PIR: variants seen among roughly 807,000 people sequenced by gnomAD.
PIR encodes pirin.
Under a neutral mutation model 24.2 loss-of-function variants are expected in PIR, and 22 were observed. The ratio of observed to expected loss-of-function variants is 0.91; its 90% confidence interval spans 0.65 to 1.30. The LOEUF (loss-of-function observed/expected upper bound fraction) is 1.30. Among genes scored for constraint, PIR ranks in the 50% most tolerant of loss-of-function variants. PIR has a pLI of 0.00. For synonymous variants in PIR, 80 were observed against 79.6 expected (o/e 1.00, Z -0.03); for missense variants, 220 against 220.3 (o/e 1.00, Z 0.01).
intron 5 of PIR, among the ~76,000 whole-genome samples, chrX:15,434,309 G>C (rs987794520): frequency 9.6e-6 from 1 of 103,876 alleles, no homozygotes; most frequent in African/African-American, 3.5e-5. Flanking sequence ...GATAGAAGGA[G>C]AAGGAAGGAG....
At chrX:15,446,588 T>C (rs1484489317) in intron 5 of PIR, among the ~76,000 whole-genome samples, 2 of 112,009 alleles carry the variant, frequency 1.8e-5, no homozygotes, top group African/African-American at 6.5e-5. Flanking sequence ...GATCTAGACA[T>C]TCCACCCTTC....
Position 15,385,084 on chromosome X carries a change from A to G in PIR, c.793T>C (p.Ser265Pro), listed in dbSNP as rs1923694158. The change falls in exon 10 of 10, where the codon TCT becomes CCT. Residue 265 changes from serine to proline, a missense_variant. By Grantham distance (74) the Ser-to-Pro change is moderately conservative. Transcript: ENST00000380420. ...TTTCTGAAATCAAGAATAGCTTGAG[A>G]AATCTCTTCATTGGTGTTCATCACA... is the stretch of plus-strand genomic sequence containing the variant. ...PFVMNTNEEI[S>P]QAILDFRNAK... 2.5e-6 allele frequency: 3 copies of G among 1,185,357 alleles called. No homozygotes were observed. The East Asian group carries it at 8.9e-5, about 35-fold the overall frequency.
At chrX:15,473,495 A>C (rs1301828456) in intron 3 of PIR, among the ~76,000 whole-genome samples, 2 of 112,387 alleles carry the variant, frequency 1.8e-5, no homozygotes, top group African/African-American at 6.5e-5. Flanking sequence ...TTTCTTATAG[A>C]TAATTTCTAG....
In PIR at chrX:15,486,079, C is replaced by T. The variant is rs762200963; in HGVS notation, c.96+5083G>A. On this transcript the variant is annotated intron_variant, in intron 2 of 9. Coordinates refer to ENST00000380420, the MANE Select transcript of PIR (RefSeq NM_001018109.3). Reference sequence around the variant, plus strand: ...GTCTCTTAAGGCCAATCAGGCCAGGCGTGGTGGCTCATGCCTATAATCCCA... The same window carrying T: ...GTCTCTTAAGGCCAATCAGGCCAGGTGTGGTGGCTCATGCCTATAATCCCA... 1.0e-3 allele frequency among the ~76,000 whole-genome samples: 112 copies of T among 108,810 alleles called. 1 individual carries two copies. The highest frequency in any genetic ancestry group is 3.7e-3 in the African/African-American group (109 of 29,727). 94.5% of individuals were successfully genotyped at this position (108,810 alleles called of 115,157 possible).
intron 6 of PIR, among the ~76,000 whole-genome samples, chrX:15,415,123 G>A (rs909329885): frequency 4.8e-4 from 53 of 111,367 alleles, no homozygotes; most frequent in African/African-American, 1.7e-3. Flanking sequence ...AGGACAAGAT[G>A]GCAGTTAAGA....
At chrX:15,481,498 A>T (rs1231768447) in intron 2 of PIR, among the ~76,000 whole-genome samples, 2 of 112,162 alleles carry the variant, frequency 1.8e-5, no homozygotes, top group African/African-American at 6.5e-5. Flanking sequence ...TCCTCAATAG[A>T]ACCATGGTTA....
At chrX:15,395,995 T>G (rs776354248) in intron 8 of PIR, among the ~76,000 whole-genome samples, 5 of 111,711 alleles carry the variant, frequency 4.5e-5, no homozygotes, top group Non-Finnish European at 9.4e-5. Flanking sequence ...ATCACTTCTT[T>G]CTGGTGTTCT....
At chrX:15,400,272 T>A (rs1291757103) in intron 7 of PIR, among the ~76,000 whole-genome samples, 1 of 111,824 alleles carries the variant, frequency 8.9e-6, no homozygotes, top group African/African-American at 3.3e-5. Flanking sequence ...TTGAGTAATA[T>A]TTTCAACTGT....
intron 3 of PIR, among the ~76,000 whole-genome samples, chrX:15,460,867 A>C (rs778845455): frequency 3.4e-4 from 38 of 111,708 alleles, no homozygotes; most frequent in Non-Finnish European, 6.4e-4. Context: ...AAAAAAGGAA[A>C]AAGAAAAAGT....
At chrX:15,385,568 T>A (rs1047959622) in intron 9 of PIR, among the ~76,000 whole-genome samples, 4 of 112,390 alleles carry the variant, frequency 3.6e-5, no homozygotes, top group African/African-American at 1.3e-4. Flanking sequence ...GGATTCTAAG[T>A]CATTTTTTGA....
intron 2 of PIR, among the ~76,000 whole-genome samples, chrX:15,489,394 C>A (rs1373716603): frequency 8.9e-6 from 1 of 111,848 alleles, no homozygotes; most frequent in East Asian, 2.8e-4. Context: ...TGATAGGTTT[C>A]ATCAAACTGC....
chrX:15,385,022 T>C lies in PIR; in HGVS notation c.855A>G (p.Lys285=), dbSNP rs1260055324. ...CTTTCCACTAGTTCCCAATCTTTGATTTCCAGGTTTTGGCCCTTTCAAACC... is the reference window on the plus strand; with the variant it reads ...CTTTCCACTAGTTCCCAATCTTTGACTTCCAGGTTTTGGCCCTTTCAAACC... The part of the protein sequence containing the change: ...KNGFERAKTW[K]SKIGN The change falls in exon 10 of 10, where the codon AAA becomes AAG. Residue 285 remains lysine (K), a synonymous_variant. Transcript: ENST00000380420. 2.6e-6 allele frequency: 3 copies of C among 1,158,892 alleles called. No individual in the cohort carries two copies. The highest frequency in any genetic ancestry group is 3.5e-6 in the Non-Finnish European group (3 of 849,268).
intron 2 of PIR, among the ~76,000 whole-genome samples, chrX:15,489,159 C>T (rs891336526): frequency 9.0e-6 from 1 of 111,697 alleles, no homozygotes; most frequent in East Asian, 2.8e-4. Context: ...GTAGATATAT[C>T]GAAATATTGT....
intron 8 of PIR, 53 bp downstream of exon 8, chrX:15,397,396 G>A: frequency 2.3e-6 from 2 of 862,877 alleles, no homozygotes; most frequent in Non-Finnish European, 1.7e-6. Context: ...CATTTTCTTG[G>A]AAACCAGTAG....
At chrX:15,422,576 T>C (rs1280031175) in intron 6 of PIR, among the ~76,000 whole-genome samples, 3 of 110,486 alleles carry the variant, frequency 2.7e-5, no homozygotes, top group African/African-American at 9.9e-5. Context: ...CTATTTACAA[T>C]GGTTACAAAA....
chrX:15,426,620 A>G (rs1451176711), intron 5 of PIR, among the ~76,000 whole-genome samples: 6 of 112,329 alleles, frequency 5.3e-5, no homozygotes, highest in African/African-American at 1.9e-4. Flanking sequence ...ACTAAAATTC[A>G]AGGGATTAGA....
Position 15,455,779 on chromosome X carries a change from C to A in PIR, c.480+69G>T, listed in dbSNP as rs1408652542. The A allele has an allele frequency of 1.1e-5, 10 of 882,333 alleles. No individual in the cohort carries two copies. The East Asian group carries it at 3.1e-4, about 27-fold the overall frequency. 72.7% of individuals were successfully genotyped at this position (882,333 alleles called of 1,213,427 possible). A position where few individuals can be genotyped will look rare whatever the true frequency, so the allele number is the denominator to read the frequency against. On this transcript the variant is annotated intron_variant, in intron 5 of 9. Transcript: ENST00000380420. ...TTTTGGTAAACCTAGTGAGAGCTAACAATCCAGAAGGGGCCAGCCTTATGT... is the reference window on the plus strand; with the variant it reads ...TTTTGGTAAACCTAGTGAGAGCTAAAAATCCAGAAGGGGCCAGCCTTATGT...
intron 8 of PIR, among the ~76,000 whole-genome samples, chrX:15,396,987 G>A (rs3829993): frequency 0.49 from 54,587 of 110,778 alleles, 9,974 homozygotes; most frequent in Non-Finnish European, 0.58. Context: ...TGATCCGCCC[G>A]CCTCGGCCTC....
At chrX:15,476,160 CTGCTGGTTCA>C (rs1922180459) in intron 3 of PIR, among the ~76,000 whole-genome samples, 1 of 111,901 alleles carries the variant, frequency 8.9e-6, no homozygotes, top group African/African-American at 3.2e-5. Flanking sequence ...AATGATAACA[CTGCTGGTTCA>C]TGGGTCACAC....
Sources: gnomAD v4.1 joint callset for allele counts (sites outside exome capture counted in the v4.1 genomes callset) on GRCh38, gnomAD v4.1.1 for gene constraint, MANE v1.5 for transcripts, NCBI Gene and HGNC (gene_info 2026-07-23, HGNC 2026-07-21) for gene names.